The following SLC35F3 variants were observed in gnomAD, a reference collection of about 807,000 sequenced individuals.
SLC35F3 encodes solute carrier family 35 member F3.
Under a neutral mutation model 49.9 loss-of-function variants are expected in SLC35F3, and 25 were observed. The ratio of observed to expected loss-of-function variants is 0.50; its 90% CI spans 0.37 to 0.70. SLC35F3 has a LOEUF of 0.70. Ranked by LOEUF, SLC35F3 falls within the 30% of genes least tolerant of loss-of-function variation. SLC35F3 has a pLI of 0.00. For missense variants in SLC35F3, 525 were observed against 639.8 expected, an observed-to-expected ratio of 0.82 and a Z score of 1.94; for synonymous variants, 275 against 265.4, an observed-to-expected ratio of 1.04 and a Z score of -0.35.
At chr1:234,107,559 C>G (rs1411849750) in intron 2 of SLC35F3, among the ~76,000 whole-genome samples, 1 of 152,216 alleles carries the variant, frequency 6.6e-6, no homozygotes. Flanking sequence ...AGCATCATGA[C>G]TAGTTCACTA....
At chr1:234,063,096 C>T (rs780070037) in intron 2 of SLC35F3, among the ~76,000 whole-genome samples, 2 of 152,056 alleles carry the variant, frequency 1.3e-5, no homozygotes, top group Non-Finnish European at 2.9e-5. Context: ...CATCAGGGTC[C>T]TAGGATTCCT....
chr1:234,121,444 T>C (rs1432616077), intron 2 of SLC35F3, among the ~76,000 whole-genome samples: 1 of 152,124 alleles, frequency 6.6e-6, no homozygotes, highest in East Asian at 1.9e-4. Context: ...AGCCGAAAAA[T>C]TACTTTCTTA....
intron 2 of SLC35F3, among the ~76,000 whole-genome samples, chr1:233,930,804 A>G (rs1266161762): frequency 6.6e-6 from 1 of 152,236 alleles, no homozygotes; most frequent in Non-Finnish European, 1.5e-5. Context: ...AAAAGAAAAT[A>G]TATTTACTAT....
chr1:234,187,347 C>T (rs955759295), intron 2 of SLC35F3, among the ~76,000 whole-genome samples: 12 of 152,254 alleles, frequency 7.9e-5, no homozygotes, highest in African/African-American at 2.6e-4. Context: ...GAGAGGATCC[C>T]AGGCACAGAA....
intron 2 of SLC35F3, among the ~76,000 whole-genome samples, chr1:234,110,523 G>A (rs1195797373): frequency 6.6e-6 from 1 of 152,240 alleles, no homozygotes; most frequent in African/African-American, 2.4e-5. Flanking sequence ...TGCTGAATGA[G>A]TGGACAGATG....
At chr1:234,305,929 T>C (rs1226555052) in intron 3 of SLC35F3, among the ~76,000 whole-genome samples, 1 of 152,130 alleles carries the variant, frequency 6.6e-6, no homozygotes, top group African/African-American at 2.4e-5. Context: ...TGCCACCCTC[T>C]AGTCTTAAGC....
intron 2 of SLC35F3, among the ~76,000 whole-genome samples, chr1:233,942,063 C>T (rs1001705603): frequency 7.3e-5 from 11 of 150,798 alleles, no homozygotes; most frequent in East Asian, 2.0e-4. Flanking sequence ...CAGGTTGAAG[C>T]GATTCTCCTG....
chr1:234,027,561 A>G lies in SLC35F3; in HGVS notation c.283+121803A>G, dbSNP rs886892185. ...GTCTTAGACTCGCAATAGGTAGGCT[A>G]GAAGGCTGTTCTCTGATCTAAGCAA... On this transcript the variant is annotated intron_variant, in intron 2 of 7. Coordinates refer to ENST00000366618, the MANE Select transcript of SLC35F3 (RefSeq NM_173508.4). This position sits in a 1 kb window ranked among gnomAD's most constrained non-coding sequence, Gnocchi z 4.1. 2.6e-5 allele frequency among the ~76,000 whole-genome samples: 4 copies of G among 152,208 alleles called. No individual in the cohort carries two copies. Among genetic ancestry groups the G allele is most frequent in the African/African-American group, 9.7e-5 (4 of 41,450 alleles).
intron 2 of SLC35F3, among the ~76,000 whole-genome samples, chr1:233,922,750 A>G (rs1303376147): frequency 2.0e-5 from 3 of 152,080 alleles, no homozygotes; most frequent in Non-Finnish European, 4.4e-5. Flanking sequence ...GGTATTGCCT[A>G]GGTTTTCTTC....
intron 4 of SLC35F3, among the ~76,000 whole-genome samples, chr1:234,312,766 G>T (rs550033314): frequency 1.5e-3 from 227 of 152,336 alleles, no homozygotes; most frequent in African/African-American, 5.3e-3. Context: ...ATTGCCTGTA[G>T]CTGTGCAAAT....
chr1:233,991,442 A>C (rs1027115851), intron 2 of SLC35F3, among the ~76,000 whole-genome samples: 17 of 152,152 alleles, frequency 1.1e-4, no homozygotes, highest in Admixed American at 3.9e-4. Context: ...GGAAGAAAAA[A>C]AAAGAAAAAG....
At chr1:234,020,464 C>T (rs1308241918) in intron 2 of SLC35F3, among the ~76,000 whole-genome samples, 7 of 152,064 alleles carry the variant, frequency 4.6e-5, no homozygotes. Context: ...AGGAAACACA[C>T]TACCTTTTAT....
At chr1:234,107,804 A>G (rs952551030) in intron 2 of SLC35F3, among the ~76,000 whole-genome samples, 8 of 152,188 alleles carry the variant, frequency 5.3e-5, no homozygotes, top group Admixed American at 4.6e-4. Flanking sequence ...CAGGAGGTAA[A>G]CAATAAATCT....
At chr1:234,173,885 G>A (rs1434267044) in intron 2 of SLC35F3, among the ~76,000 whole-genome samples, 1 of 152,162 alleles carries the variant, frequency 6.6e-6, no homozygotes, top group Non-Finnish European at 1.5e-5. Context: ...AAATTAATCA[G>A]GTCTGAAAGT....
chr1:233,940,578 A>G (rs1662404624), intron 2 of SLC35F3, among the ~76,000 whole-genome samples: 1 of 152,234 alleles, frequency 6.6e-6, no homozygotes, highest in African/African-American at 2.4e-5. Context: ...ACAGAAGCCA[A>G]TCCCTTCATT....
chr1:234,209,934 C>A (rs894956473), intron 2 of SLC35F3, among the ~76,000 whole-genome samples: 2 of 152,130 alleles, frequency 1.3e-5, no homozygotes, highest in Admixed American at 1.3e-4. Flanking sequence ...ATTTTAAAAA[C>A]AGACAAATAT....
chr1:233,994,255 C>A (rs2102828792), intron 2 of SLC35F3, among the ~76,000 whole-genome samples: 1 of 152,268 alleles, frequency 6.6e-6, no homozygotes, highest in African/African-American at 2.4e-5. Context: ...AGTACATGAT[C>A]TTTGAAACTT....
At chr1:234,026,834 A>G (rs1663986499) in intron 2 of SLC35F3, 1 of 152,274 alleles carries the variant, frequency 6.6e-6, no homozygotes, top group African/African-American at 2.4e-5. Context: ...GGCATTGAGT[A>G]TGAAGGTGCC....
intron 2 of SLC35F3, among the ~76,000 whole-genome samples, chr1:233,991,332 G>C (rs1040904030): frequency 1.3e-5 from 2 of 152,008 alleles, no homozygotes; most frequent in African/African-American, 4.8e-5. Flanking sequence ...TACACTTTGT[G>C]ATTTGAATGT....
Sources: gnomAD v4.1 joint callset for allele counts (sites outside exome capture counted in the v4.1 genomes callset) on GRCh38, gnomAD v4.1.1 for gene constraint, Gnocchi (gnomAD v3.1) non-coding constraint, MANE v1.5 for transcripts, NCBI Gene and HGNC (gene_info 2026-07-23, HGNC 2026-07-21) for gene names.